Variants in ULK4 observed in about 807,000 individuals in gnomAD.
ULK4 encodes inactive serine/threonine-protein kinase ULK4.
In ULK4, 133 loss-of-function variants were observed where a neutral mutation model predicts 160.6. That is an observed-to-expected ratio of 0.83 (90% CI 0.72 to 0.96). ULK4 has a LOEUF of 0.96. Among genes scored for constraint, ULK4 ranks in the 40% least tolerant of loss-of-function variants. ULK4 has a pLI of 0.00. For missense variants in ULK4, 1,580 were observed against 1,499.5 expected, an observed-to-expected ratio of 1.05 and a Z score of -0.89; for synonymous variants, 534 against 539.8, an observed-to-expected ratio of 0.99 and a Z score of 0.15.
intron 4 of ULK4, among the ~76,000 whole-genome samples, chr3:41,933,178 T>G (rs538215811): frequency 1.1e-4 from 17 of 152,226 alleles, no homozygotes; most frequent in Non-Finnish European, 2.1e-4. Context: ...GGAAGACTTG[T>G]TAAAGCACAG....
At chr3:41,547,294 G>A (rs903030400) in intron 32 of ULK4, among the ~76,000 whole-genome samples, 6 of 152,160 alleles carry the variant, frequency 3.9e-5, no homozygotes, top group African/African-American at 1.4e-4. Flanking sequence ...CAAAAGGAAG[G>A]ACCAAAACAG....
intron 2 of ULK4, among the ~76,000 whole-genome samples, chr3:41,950,993 A>C (rs561286749): frequency 1.5e-4 from 23 of 151,838 alleles, no homozygotes; most frequent in South Asian, 8.3e-4. Context: ...AAATACAAAA[A>C]ATTAGCTGGG....
chr3:41,388,284 A>T (rs1161680493), intron 35 of ULK4, among the ~76,000 whole-genome samples: 4 of 152,074 alleles, frequency 2.6e-5, no homozygotes, highest in Admixed American at 6.6e-5. Flanking sequence ...GCCCTTTGTC[A>T]GATGAGTAGG....
At chr3:41,736,391 G>C (rs2038050288) in intron 22 of ULK4, among the ~76,000 whole-genome samples, 1 of 151,808 alleles carries the variant, frequency 6.6e-6, no homozygotes, top group African/African-American at 2.4e-5. Flanking sequence ...ATTCTAACTG[G>C]TGTGAGATGG....
At chr3:41,733,027 G>A (rs1034363682) in intron 22 of ULK4, among the ~76,000 whole-genome samples, 3 of 152,062 alleles carry the variant, frequency 2.0e-5, no homozygotes, top group Non-Finnish European at 2.9e-5. Flanking sequence ...ATAAGTTATC[G>A]TGTTCTATTG....
chr3:41,903,588 G>GAAAAAAAA (rs71075493), intron 12 of ULK4, among the ~76,000 whole-genome samples: 1 of 138,182 alleles, frequency 7.2e-6, no homozygotes. Context: ...CTGTCTCAAA[G>GAAAAAAAA]AAAAAAAAAA....
At chr3:41,412,326 T>C (rs904857247) in intron 34 of ULK4, among the ~76,000 whole-genome samples, 2 of 151,710 alleles carry the variant, frequency 1.3e-5, no homozygotes, top group East Asian at 3.9e-4. Flanking sequence ...ATTAGTTAAC[T>C]TGATGTTGTT....
intron 21 of ULK4, among the ~76,000 whole-genome samples, chr3:41,760,429 CTT>C (rs1328789329): frequency 6.6e-6 from 1 of 152,058 alleles, no homozygotes; most frequent in Non-Finnish European, 1.5e-5. Context: ...AAAATAAAAA[CTT>C]AAGTTCACAG....
chr3:41,748,710 A>G (rs964827744), intron 22 of ULK4, among the ~76,000 whole-genome samples: 2 of 152,178 alleles, frequency 1.3e-5, no homozygotes, highest in Non-Finnish European at 2.9e-5. Flanking sequence ...TAATTTATTT[A>G]ACTTTCCATT....
chr3:41,509,409 T>C (rs1005260033), intron 32 of ULK4, among the ~76,000 whole-genome samples: 4 of 152,180 alleles, frequency 2.6e-5, no homozygotes, highest in Admixed American at 1.3e-4. Context: ...TTTAAGAGAA[T>C]AGTCAAGGAA....
intron 8 of ULK4, 99 bp downstream of exon 8, chr3:41,915,878 G>A (rs926291559): frequency 1.0e-5 from 8 of 792,306 alleles, no homozygotes; most frequent in Non-Finnish European, 1.6e-5. Context: ...CATAAAAGGG[G>A]GAAAAGATTT....
intron 12 of ULK4, among the ~76,000 whole-genome samples, chr3:41,903,366 C>G (rs1698438361): frequency 1.3e-5 from 2 of 152,160 alleles, no homozygotes; most frequent in Admixed American, 6.5e-5. Flanking sequence ...GGGCGGATCA[C>G]CTGTGGCCAG....
chr3:41,439,913 T>G (rs941301937), intron 34 of ULK4, among the ~76,000 whole-genome samples: 1 of 152,222 alleles, frequency 6.6e-6, no homozygotes, highest in Admixed American at 6.5e-5. Context: ...AGCAATGTTT[T>G]GTGGTTTCCA....
intron 35 of ULK4, among the ~76,000 whole-genome samples, chr3:41,263,075 T>C (rs955735428): frequency 2.0e-5 from 3 of 152,154 alleles, no homozygotes; most frequent in African/African-American, 4.8e-5. Context: ...CACGAGAGCA[T>C]AGATTTCTAA....
At chr3:41,670,268 A>G (rs2035494247) in intron 29 of ULK4, among the ~76,000 whole-genome samples, 1 of 152,172 alleles carries the variant, frequency 6.6e-6, no homozygotes, top group South Asian at 2.1e-4. Context: ...CTGCTACAAG[A>G]AAGGGGTAGA....
At chr3:41,921,709 A>G (rs532404490) in intron 5 of ULK4, among the ~76,000 whole-genome samples, 1 of 152,356 alleles carries the variant, frequency 6.6e-6, no homozygotes, top group African/African-American at 2.4e-5. Context: ...ATGGGTGGAA[A>G]ACAAATACAC....
chr3:41,942,242 G>C (rs1232169614), intron 2 of ULK4, among the ~76,000 whole-genome samples: 1 of 152,200 alleles, frequency 6.6e-6, no homozygotes, highest in Non-Finnish European at 1.5e-5. Context: ...TTACCAGCCA[G>C]GTGCAGTGGC....
chr3:41,724,212 T>G (rs543447861), intron 22 of ULK4, among the ~76,000 whole-genome samples: 1 of 152,346 alleles, frequency 6.6e-6, no homozygotes, highest in African/African-American at 2.4e-5. Flanking sequence ...CTTACTCGTT[T>G]TGTTGTGGAT....
intron 17 of ULK4, among the ~76,000 whole-genome samples, chr3:41,840,956 G>A (rs1456696413): frequency 1.3e-5 from 2 of 150,696 alleles, no homozygotes. Flanking sequence ...CACCCCGTCT[G>A]GGAAGTGAGG....
Sources: gnomAD v4.1 joint callset for allele counts (sites outside exome capture counted in the v4.1 genomes callset) on GRCh38, gnomAD v4.1.1 for gene constraint, MANE v1.5 for transcripts, NCBI Gene and HGNC (gene_info 2026-07-23, HGNC 2026-07-21) for gene names.